Variants in FMN1 observed in about 807,000 individuals in gnomAD.
FMN1 encodes formin-1.
A neutral mutation model predicts 132.4 loss-of-function variants in FMN1; 110 were observed. The ratio of observed to expected loss-of-function variants is 0.83; its 90% CI spans 0.71 to 0.97. FMN1 has a LOEUF of 0.97. FMN1 is among the 50% of genes least tolerant of loss of function. The probability of loss-of-function intolerance (pLI) is 0.00; values close to 1 mark genes in which losing one functional copy is unlikely to be tolerated. For missense variants in FMN1, 1,792 were observed against 1,705.3 expected (o/e 1.05, Z -0.90); for synonymous variants, 722 against 651.7 (o/e 1.11, Z -1.64).
At chr15:32,991,553 C>G (rs1212374832) in intron 7 of FMN1, among the ~76,000 whole-genome samples, 2 of 152,168 alleles carry the variant, frequency 1.3e-5, no homozygotes, top group African/African-American at 2.4e-5. Flanking sequence ...GCCTCGTGTT[C>G]TTTCTCCTCT....
intron 16 of FMN1, among the ~76,000 whole-genome samples, chr15:32,878,382 G>A (rs544240726): frequency 6.6e-6 from 1 of 152,182 alleles, no homozygotes; most frequent in Non-Finnish European, 1.5e-5. Flanking sequence ...TGACCTATGC[G>A]GCAGGTGGAG....
chr15:32,956,374 A>T (rs1325098757), intron 9 of FMN1, among the ~76,000 whole-genome samples: 3 of 150,966 alleles, frequency 2.0e-5, no homozygotes, highest in African/African-American at 7.3e-5. Context: ...TTTTTTTTTA[A>T]AAAAATAAGC....
chr15:33,141,239 T>A (rs1963997655), intron 4 of FMN1, among the ~76,000 whole-genome samples: 1 of 152,204 alleles, frequency 6.6e-6, no homozygotes. Flanking sequence ...CCTTTCCTAA[T>A]CCTTCCATAT....
chr15:33,163,789 T>C (rs982915234), intron 3 of FMN1, among the ~76,000 whole-genome samples: 1 of 151,990 alleles, frequency 6.6e-6, no homozygotes, highest in African/African-American at 2.4e-5. Flanking sequence ...AACAAATTTT[T>C]GTATTTTTGG....
At chr15:32,855,647 A>G (rs778395133) in intron 17 of FMN1, among the ~76,000 whole-genome samples, 1 of 152,240 alleles carries the variant, frequency 6.6e-6, no homozygotes, top group Non-Finnish European at 1.5e-5. Flanking sequence ...TGACATGCAC[A>G]TGGCAAAATT....
intron 16 of FMN1, among the ~76,000 whole-genome samples, chr15:32,867,113 C>G (rs1026810897): frequency 3.3e-5 from 5 of 152,202 alleles, no homozygotes; most frequent in Non-Finnish European, 7.3e-5. Context: ...GAATTCATTA[C>G]TCTTCACCAG....
intron 9 of FMN1, among the ~76,000 whole-genome samples, chr15:32,960,911 C>T (rs2030440331): frequency 7.2e-6 from 1 of 139,682 alleles, no homozygotes; most frequent in Non-Finnish European, 1.5e-5. Flanking sequence ...AGGAGAATTG[C>T]TTGAACCCCA....
At chr15:32,827,313 T>C (rs556407370) in intron 17 of FMN1, among the ~76,000 whole-genome samples, 2 of 152,328 alleles carry the variant, frequency 1.3e-5, no homozygotes, top group South Asian at 2.1e-4. Context: ...GCAGAGTTTG[T>C]GGCGGTAAGG....
chr15:33,031,919 A>G (rs2035954939), intron 6 of FMN1, among the ~76,000 whole-genome samples: 1 of 152,230 alleles, frequency 6.6e-6, no homozygotes, highest in Non-Finnish European at 1.5e-5. Context: ...TTTTTTGTCT[A>G]CTTGTTTCCA....
At chr15:32,894,754 G>A (rs143167329) in intron 15 of FMN1, among the ~76,000 whole-genome samples, 3,314 of 148,780 alleles carry the variant, frequency 0.022, 54 homozygotes, top group Middle Eastern at 0.046. Context: ...TGTTCATTAT[G>A]TTTAGTAATG....
intron 11 of FMN1, 93 bp from the exon 12 acceptor site, chr15:32,908,671 G>A (rs766723330): frequency 4.3e-5 from 32 of 747,808 alleles, no homozygotes; most frequent in Admixed American, 7.8e-5. Context: ...GTCTCGAAGT[G>A]TGGTTCCTAG....
intron 7 of FMN1, among the ~76,000 whole-genome samples, chr15:32,979,398 T>C (rs1411446184): frequency 6.6e-6 from 1 of 151,496 alleles, no homozygotes; most frequent in Non-Finnish European, 1.5e-5. Flanking sequence ...TACTAAAAAA[T>C]ACAAAAAATT....
chr15:33,180,630 C>T lies in FMN1; in HGVS notation c.-196-368G>A, dbSNP rs1307147119. On this transcript the variant is annotated intron_variant, in intron 2 of 20. Transcript: ENST00000616417. The stretch of plus-strand genomic sequence containing the variant: ...CTGTATCCTTGTAAGCCTGCGTATG[C>T]TCATCTACTTAGTGTTCACACTGCA... Among the ~76,000 whole-genome samples the T allele has an allele frequency of 4.6e-5, 7 of 152,072 alleles. 1 individual carries two copies. Among genetic ancestry groups the T allele is most frequent in the Non-Finnish European group, 7.3e-5 (5 of 68,030 alleles).
At chr15:33,083,128 A>G (rs2141334567) in intron 5 of FMN1, among the ~76,000 whole-genome samples, 1 of 152,334 alleles carries the variant, frequency 6.6e-6, no homozygotes, top group African/African-American at 2.4e-5. Flanking sequence ...ATAATGAGAA[A>G]TACACTGTAT....
At chr15:33,161,803 A>C (rs560469507) in intron 3 of FMN1, among the ~76,000 whole-genome samples, 20 of 152,176 alleles carry the variant, frequency 1.3e-4, no homozygotes, top group African/African-American at 4.6e-4. Flanking sequence ...CTGTAGTCCC[A>C]GCTACTCAGG....
intron 5 of FMN1, among the ~76,000 whole-genome samples, chr15:33,087,806 C>CATATACATATACAT (rs58105456): frequency 6.6e-6 from 1 of 150,936 alleles, no homozygotes; most frequent in South Asian, 2.1e-4. Flanking sequence ...TACATATATA[C>CATATACATATACAT]ATATACACAT....
intron 17 of FMN1, among the ~76,000 whole-genome samples, chr15:32,826,736 T>A (rs1051253240): frequency 6.6e-6 from 1 of 152,226 alleles, no homozygotes; most frequent in African/African-American, 2.4e-5. Flanking sequence ...CACCTTCTAT[T>A]AGAACACTAC....
intron 4 of FMN1, among the ~76,000 whole-genome samples, chr15:33,141,735 GGAGTACCTCCCCCCTTGCAGCT>G (rs1405898924): frequency 2.0e-5 from 3 of 152,072 alleles, no homozygotes; most frequent in Admixed American, 6.5e-5. Flanking sequence ...TGTAATCTTG[GGAGTACCTCCCCCCTTGCAGCT>G]GAGTACCTCC....
intron 6 of FMN1, among the ~76,000 whole-genome samples, chr15:33,048,082 T>C (rs1367321677): frequency 6.6e-6 from 1 of 152,070 alleles, no homozygotes; most frequent in African/African-American, 2.4e-5. Context: ...TTGGTAATCT[T>C]TGGGAAATAA....
Sources: allele counts gnomAD v4.1 joint callset (sites outside exome capture counted in the v4.1 genomes callset), GRCh38; gene constraint gnomAD v4.1.1; transcripts MANE v1.5; gene names NCBI Gene and HGNC (gene_info 2026-07-23, HGNC 2026-07-21).